The following AP5M1 variants were observed in gnomAD, a reference collection of about 807,000 sequenced individuals.
AP5M1 encodes adaptor related protein complex 5 subunit mu 1.
Under a neutral mutation model 52.3 loss-of-function variants are expected in AP5M1, and 44 were observed. The ratio of observed to expected loss-of-function variants is 0.84; its 90% CI spans 0.66 to 1.08. The LOEUF is 1.08. Among genes scored for constraint, AP5M1 ranks in the 50% least tolerant of loss-of-function variants. The pLI is 0.00. For missense variants in AP5M1, 526 were observed against 568.4 expected, an observed-to-expected ratio of 0.93 and a Z score of 0.76; for synonymous variants, 213 against 199.0, an observed-to-expected ratio of 1.07 and a Z score of -0.59.
rs1885555251 is a variant in AP5M1 at position 57,296,502 on chromosome 14, TTAATC to T, written c.*7622_*7626del. The T allele has an allele frequency of 6.6e-6, 1 of 152,106 alleles. No homozygotes were observed. Among genetic ancestry groups the T allele is most frequent in the Admixed American group, 6.6e-5 (1 of 15,242 alleles). The allele number at this position is 152,106 out of a possible 1,614,324, so 9.4% of individuals were successfully genotyped here. On this transcript the variant is annotated 3_prime_UTR_variant, in exon 8 of 8. Coordinates refer to ENST00000261558, the MANE Select transcript of AP5M1 (RefSeq NM_018229.4). ...GTGTTTGTCAATAATCAAAAAATGT[TTAATC>T]TAAAATAAAGTAGATGCCACGCTTC...
intron 3 of AP5M1, among the ~76,000 whole-genome samples, chr14:57,280,905 C>T (rs764595198): frequency 6.6e-5 from 10 of 151,100 alleles, no homozygotes; most frequent in Non-Finnish European, 1.2e-4. Flanking sequence ...TCTTTGGTGT[C>T]GGTAACTATT....
rs1437061588 is a variant in AP5M1, at chr14:57,280,280, A to T, written c.806A>T (p.His269Leu). The change falls in exon 3 of 8, where the codon CAC (histidine) becomes CTC (leucine). Residue 269 changes from histidine to leucine, a missense_variant. His to Leu is a moderately conservative substitution (Grantham distance 99). This residue lies in a region of AP5M1 where 425 missense variants were observed against 430.6 expected (regional missense o/e 0.99). Coordinates refer to ENST00000261558, the MANE Select transcript of AP5M1 (RefSeq NM_018229.4). ...NGSPLQDILV[H>L]PCVTSLDSAI... ...TCTCCACTTCAGGATATTCTAGTTC[A>T]CCCTTGTGTAACTTCTCTTGACTCT... The T allele has an allele frequency of 1.9e-6, 3 of 1,613,914 alleles. No individual in the cohort carries two copies. The highest frequency in any genetic ancestry group is 3.3e-4 in the Middle Eastern group (2 of 6,062).
intron 6 of AP5M1, among the ~76,000 whole-genome samples, chr14:57,284,573 G>C (rs1051350414): frequency 6.6e-6 from 1 of 152,048 alleles, no homozygotes; most frequent in African/African-American, 2.4e-5. Flanking sequence ...GAGAAAAGAA[G>C]GGAGAAGGGA....
intron 7 of AP5M1, among the ~76,000 whole-genome samples, chr14:57,288,591 G>T (rs910524604): frequency 6.6e-6 from 1 of 151,972 alleles, no homozygotes; most frequent in African/African-American, 2.4e-5. Context: ...TTTCATATAA[G>T]GTCAAAGATG....
At chr14:57,274,074 G>A (rs1486593469) in intron 1 of AP5M1, among the ~76,000 whole-genome samples, 170 bp from the exon 2 acceptor site, 4 of 151,978 alleles carry the variant, frequency 2.6e-5, no homozygotes, top group African/African-American at 7.3e-5. Flanking sequence ...TAACTTAATG[G>A]TCATTATAAT....
chr14:57,269,381 T>A lies in AP5M1; in HGVS notation c.67T>A (p.Phe23Ile). 4 of 1,614,112 alleles carry A rather than the reference T, an allele frequency of 2.5e-6. No individual in the cohort carries two copies. Among genetic ancestry groups the A allele is most frequent in the Non-Finnish European group, 3.4e-6 (4 of 1,179,996 alleles). The change falls in exon 1 of 8, where the codon TTC becomes ATC. Residue 23 changes from phenylalanine (F) to isoleucine (I), a missense_variant. By Grantham distance (21) the Phe-to-Ile change is conservative. Around this residue, in one of 3 missense-constraint regions of AP5M1, gnomAD observed 425 missense variants for 430.6 expected, o/e 0.99. Transcript: ENST00000261558. ...PGTPLCGTVR[F>I]SRRYPTVEKR... Reference sequence around the variant, plus strand: ...AACTCCACTTTGTGGCACCGTGAGATTCTCCAGGTAAATGCAAATCTGAAT... The same window carrying A: ...AACTCCACTTTGTGGCACCGTGAGAATCTCCAGGTAAATGCAAATCTGAAT...
Position 57,280,337 on chromosome 14 carries a change from T to G in AP5M1, c.863T>G (p.Met288Arg), listed in dbSNP as rs775080070. 1 of 1,613,998 alleles carries G rather than the reference T, an allele frequency of 6.2e-7. No individual in the cohort carries two copies. The highest frequency in any genetic ancestry group is 1.3e-5 in the African/African-American group (1 of 75,056). ...AILTSSSIDA[M>R]DDSAFSGPYK... ...CTGACTTCTAGTAGTATTGATGCAA[T>G]GGATGACTCTGCATTTAGTGGGCCT... Residue 288 changes from methionine (M) to arginine (R), a missense_variant, in exon 3 of 8, where the codon ATG becomes AGG. Met to Arg is a moderately conservative substitution (Grantham distance 91). Around this residue, in one of 3 missense-constraint regions of AP5M1, gnomAD observed 425 missense variants for 430.6 expected, o/e 0.99. Coordinates refer to ENST00000261558, the MANE Select transcript of AP5M1 (RefSeq NM_018229.4).
rs898253263 is a variant in AP5M1, at chr14:57,274,304, T to C, written c.135T>C (p.Val45=). The part of the protein sequence containing the change: ...RVFNGASYVP[V]PEDGPFLKAL... ...TCAATGGAGCAAGTTATGTGCCTGTTCCTGAAGATGGTCCCTTTCTTAAAG... is the reference window on the plus strand; with the variant it reads ...TCAATGGAGCAAGTTATGTGCCTGTCCCTGAAGATGGTCCCTTTCTTAAAG... The change falls in exon 2 of 8, where the codon GTT becomes GTC. Residue 45 remains valine, a synonymous_variant. Coordinates refer to ENST00000261558, the MANE Select transcript of AP5M1 (RefSeq NM_018229.4). The C allele has an allele frequency of 6.2e-7, 1 of 1,614,070 alleles. No homozygotes were observed. Among genetic ancestry groups the C allele is most frequent in the Non-Finnish European group, 8.5e-7 (1 of 1,180,032 alleles).
chr14:57,282,499 A>G (rs976613664), intron 4 of AP5M1, among the ~76,000 whole-genome samples: 13 of 152,194 alleles, frequency 8.5e-5, no homozygotes, highest in African/African-American at 3.1e-4. Flanking sequence ...ATTTATTTCT[A>G]GCAATTTTTC....
chr14:57,287,912 C>A (rs1411978549), intron 7 of AP5M1, among the ~76,000 whole-genome samples: 1 of 152,028 alleles, frequency 6.6e-6, no homozygotes, highest in Admixed American at 6.6e-5. Context: ...GTGTTGTTAT[C>A]TCCATTTTAC....
chr14:57,280,324 A>C lies in AP5M1; in HGVS notation c.850A>C (p.Ser284Arg). The C allele has an allele frequency of 1.2e-6, 2 of 1,613,868 alleles. No individual in the cohort carries two copies. Among genetic ancestry groups the C allele is most frequent in the Non-Finnish European group, 1.7e-6 (2 of 1,179,746 alleles). The change falls in exon 3 of 8, where the codon AGT (serine) becomes CGT (arginine). Residue 284 changes from serine (S) to arginine (R), a missense_variant. Around this residue, in one of 3 missense-constraint regions of AP5M1, gnomAD observed 425 missense variants for 430.6 expected, o/e 0.99. Coordinates refer to ENST00000261558, the MANE Select transcript of AP5M1 (RefSeq NM_018229.4). ...SLDSAILTSS[S>R]IDAMDDSAFS... is the part of the protein sequence containing the mutation. ...TGACTCTGCAATTCTGACTTCTAGT[A>C]GTATTGATGCAATGGATGACTCTGC...
At chr14:57,273,205 G>A (rs1884936075) in intron 1 of AP5M1, among the ~76,000 whole-genome samples, 1 of 152,134 alleles carries the variant, frequency 6.6e-6, no homozygotes, top group Admixed American at 6.5e-5. Flanking sequence ...TTTCTGAAGT[G>A]CTGGATTAGC....
chr14:57,287,294 TAGG>T (rs1257638802), intron 7 of AP5M1, among the ~76,000 whole-genome samples: 1 of 152,042 alleles, frequency 6.6e-6, no homozygotes, highest in African/African-American at 2.4e-5. Context: ...ATAAAAAGAA[TAGG>T]AAAGGACTCT....
intron 2 of AP5M1, chr14:57,278,667 G>C (rs1233733915): frequency 4.6e-5 from 7 of 152,246 alleles, no homozygotes. Context: ...AATGAGCTAA[G>C]ACATGAAGAA....
chr14:57,280,756 C>T (rs757603024), intron 3 of AP5M1, among the ~76,000 whole-genome samples: 19 of 151,566 alleles, frequency 1.3e-4, no homozygotes, highest in Non-Finnish European at 1.8e-4. Flanking sequence ...GTGGCCGAGG[C>T]AGGAGAATCG....
chr14:57,296,678 A>G lies in AP5M1; in HGVS notation c.*7794A>G, dbSNP rs1261922951. On this transcript the variant is annotated 3_prime_UTR_variant, in exon 8 of 8. Coordinates refer to ENST00000261558, the MANE Select transcript of AP5M1 (RefSeq NM_018229.4). ...TTTCTCTCATACATATTAAAATAGC[A>G]TGTTATTTTATTTAATATTGAAGGC... The G allele has an allele frequency of 6.6e-6, 1 of 152,080 alleles. No individual in the cohort carries two copies. Among genetic ancestry groups the G allele is most frequent in the Non-Finnish European group, 1.5e-5 (1 of 67,986 alleles). The allele number at this position is 152,080 out of a possible 1,614,324, so 9.4% of individuals were successfully genotyped here. A position where few individuals can be genotyped will look rare whatever the true frequency, so the allele number is the denominator to read the frequency against.
At chr14:57,273,739 A>T (rs1473723583) in intron 1 of AP5M1, 1 of 701,982 alleles carries the variant, frequency 1.4e-6, no homozygotes, top group East Asian at 2.7e-5. Flanking sequence ...GGTACCTGTC[A>T]TTCACTATAA....
rs1884808982 is a variant in AP5M1 at position 57,269,189 on chromosome 14, G to C, written c.-126G>C. Reference sequence around the variant, plus strand: ...AAAAGCTAACCTCTCTGCTGAGCGCGACCGGTATGCGGCGCAGGATGAGCC... The same window carrying C: ...AAAAGCTAACCTCTCTGCTGAGCGCCACCGGTATGCGGCGCAGGATGAGCC... On this transcript the variant is annotated 5_prime_UTR_variant, in exon 1 of 8. Transcript: ENST00000261558. 1.1e-6 allele frequency: 1 copy of C among 883,212 alleles called. No homozygotes were observed. The highest frequency in any genetic ancestry group is 1.8e-6 in the Non-Finnish European group (1 of 559,532). 54.7% of individuals were successfully genotyped at this position (883,212 alleles called of 1,614,324 possible). A position where few individuals can be genotyped will look rare whatever the true frequency, so the allele number is the denominator to read the frequency against.
chr14:57,285,118 G>A (rs569777788), intron 6 of AP5M1, among the ~76,000 whole-genome samples: 13 of 152,232 alleles, frequency 8.5e-5, no homozygotes, highest in Non-Finnish European at 1.3e-4. Flanking sequence ...CATAAAAAAT[G>A]TATTAAAGAC....
Sources: allele counts gnomAD v4.1 joint callset (sites outside exome capture counted in the v4.1 genomes callset), GRCh38; gene constraint gnomAD v4.1.1; regional missense constraint gnomAD v4.1.1; transcripts MANE v1.5; gene names NCBI Gene and HGNC (gene_info 2026-07-23, HGNC 2026-07-21).